The following EXT1 variants were observed in gnomAD, a reference collection of about 807,000 sequenced individuals.
EXT1 encodes the protein exostosin-1.
EXT1 carries 20 observed loss-of-function variants against 82.5 expected under a neutral mutation model. The observed-to-expected ratio is 0.24, with a 90% CI of 0.17 to 0.35. The LOEUF (loss-of-function observed/expected upper bound fraction) is 0.35, where lower values mean the gene tolerates loss of function less well. Among genes scored for constraint, EXT1 ranks in the 10% least tolerant of loss-of-function variants. The probability of loss-of-function intolerance (pLI) is 1.00; values close to 1 mark genes in which losing one functional copy is unlikely to be tolerated. For synonymous variants in EXT1, 348 were observed against 350.8 expected (o/e 0.99, Z 0.09); for missense variants, 757 against 936.5 (o/e 0.81, Z 2.50).
intron 1 of EXT1, among the ~76,000 whole-genome samples, chr8:118,018,216 T>C (rs1194809270): frequency 2.6e-5 from 4 of 152,116 alleles, no homozygotes; most frequent in Non-Finnish European, 5.9e-5. Context: ...GCAGATGTAA[T>C]TAGTTAAGTT....
rs886062634 is a variant in EXT1 at position 117,799,566 on chromosome 8, C to A, written c.*146G>T. 2.0e-5 allele frequency: 18 copies of A among 892,230 alleles called. No homozygotes were observed. The highest frequency in any genetic ancestry group is 2.7e-4 in the Middle Eastern group (1 of 3,724). 55.3% of individuals were successfully genotyped at this position (892,230 alleles called of 1,614,324 possible). ...GAGCCAGGAGTTGAGTTCTCATTGG[C>A]CTTTTTTTTTTTGTCATTCTGCTCA... On this transcript the variant is annotated 3_prime_UTR_variant, in exon 11 of 11. Coordinates refer to ENST00000378204, the MANE Select transcript of EXT1 (RefSeq NM_000127.3).
intron 1 of EXT1, among the ~76,000 whole-genome samples, chr8:117,865,989 T>G (rs1447778013): frequency 6.6e-6 from 1 of 151,992 alleles, no homozygotes; most frequent in Admixed American, 6.6e-5. Context: ...CTTTGGGAGG[T>G]CAAGGTGAGT....
At chr8:117,817,469 T>A (rs1214960121) in intron 7 of EXT1, among the ~76,000 whole-genome samples, 1 of 152,120 alleles carries the variant, frequency 6.6e-6, no homozygotes, top group East Asian at 1.9e-4. Context: ...CAATTTCATT[T>A]AGTAGTGACT....
intron 1 of EXT1, among the ~76,000 whole-genome samples, chr8:118,080,056 G>A (rs1817284650): frequency 6.6e-6 from 1 of 152,086 alleles, no homozygotes; most frequent in Admixed American, 6.5e-5. Flanking sequence ...AGGCAAAAGT[G>A]GTCTCTGTTC....
intron 1 of EXT1, among the ~76,000 whole-genome samples, chr8:117,909,520 T>C (rs527277129): frequency 6.6e-6 from 1 of 152,298 alleles, no homozygotes; most frequent in Admixed American, 6.5e-5. Context: ...ATATGTATTT[T>C]TTTGTTCCCA....
chr8:118,099,342 C>G (rs932179809), intron 1 of EXT1, among the ~76,000 whole-genome samples: 4 of 152,186 alleles, frequency 2.6e-5, no homozygotes, highest in Non-Finnish European at 5.9e-5. Context: ...TCCTTTCTTC[C>G]CAGTACTATC....
Position 117,794,567 on chromosome 8 carries a change from T to C in EXT1, c.*5145A>G, listed in dbSNP as rs1823065939. ...GGAAGGAAAAAGTCTTTGGTGACACTCTCTATAAAACAATCTATCTTGGAT... is the reference window on the plus strand; with the variant it reads ...GGAAGGAAAAAGTCTTTGGTGACACCCTCTATAAAACAATCTATCTTGGAT... On this transcript the variant is annotated 3_prime_UTR_variant, in exon 11 of 11. Transcript: ENST00000378204. The C allele has an allele frequency of 6.6e-6, 1 of 152,122 alleles. No individual in the cohort carries two copies. Among genetic ancestry groups the C allele is most frequent in the Admixed American group, 6.6e-5 (1 of 15,256 alleles). 9.4% of individuals were successfully genotyped at this position (152,122 alleles called of 1,614,324 possible). A position where few individuals can be genotyped will look rare whatever the true frequency, so the allele number is the denominator to read the frequency against.
At chr8:118,029,974 C>A (rs1816277759) in intron 1 of EXT1, among the ~76,000 whole-genome samples, 1 of 152,206 alleles carries the variant, frequency 6.6e-6, no homozygotes. Context: ...ATGCCCCATA[C>A]AATGTGGGTG....
intron 1 of EXT1, among the ~76,000 whole-genome samples, chr8:118,004,901 T>C (rs957746159): frequency 6.6e-6 from 1 of 152,202 alleles, no homozygotes; most frequent in Non-Finnish European, 1.5e-5. Context: ...TCATTCACAA[T>C]AATACTGAGA....
At chr8:117,879,029 C>T (rs1271399031) in intron 1 of EXT1, among the ~76,000 whole-genome samples, 1 of 152,198 alleles carries the variant, frequency 6.6e-6, no homozygotes, top group Non-Finnish European at 1.5e-5. Flanking sequence ...AAAGCTTTTC[C>T]TCCTAGGTGG....
intron 1 of EXT1, among the ~76,000 whole-genome samples, chr8:117,948,320 C>CAAA (rs34394392): frequency 0.01 from 530 of 51,702 alleles, 12 homozygotes; most frequent in Non-Finnish European, 0.016. Context: ...CTGCCCTTGC[C>CAAA]AAAAAAAAAA....
intron 1 of EXT1, among the ~76,000 whole-genome samples, chr8:117,880,866 C>T (rs892841664): frequency 1.6e-4 from 25 of 152,188 alleles, no homozygotes; most frequent in African/African-American, 5.5e-4. Context: ...GCTGGGATTA[C>T]AGGTGTGAGC....
chr8:118,032,012 A>G (rs1162557624), intron 1 of EXT1, among the ~76,000 whole-genome samples: 1 of 151,838 alleles, frequency 6.6e-6, no homozygotes, highest in African/African-American at 2.4e-5. Flanking sequence ...ATAATGTGCT[A>G]TCTGAAGTGC....
intron 1 of EXT1, among the ~76,000 whole-genome samples, chr8:117,966,942 T>C (rs1425208965): frequency 6.6e-6 from 1 of 152,210 alleles, no homozygotes; most frequent in Non-Finnish European, 1.5e-5. Flanking sequence ...TAACCTTCTA[T>C]TTCATGCATA....
At chr8:117,830,129 C>A in intron 4 of EXT1, 101 bp downstream of exon 4, 1 of 1,499,608 alleles carries the variant, frequency 6.7e-7, no homozygotes, top group South Asian at 1.1e-5. Flanking sequence ...CTGGTTTTGC[C>A]CCACTGGACC....
At chr8:118,012,960 C>T (rs972676585) in intron 1 of EXT1, among the ~76,000 whole-genome samples, 6 of 152,126 alleles carry the variant, frequency 3.9e-5, no homozygotes, top group South Asian at 4.1e-4. Flanking sequence ...CTCACTCCTT[C>T]GTCTCTAAAA....
At chr8:118,093,310 T>C (rs990094187) in intron 1 of EXT1, among the ~76,000 whole-genome samples, 1 of 147,346 alleles carries the variant, frequency 6.8e-6, no homozygotes, top group African/African-American at 2.5e-5. Flanking sequence ...TTTGAATACA[T>C]GTTCCACATA....
rs554876837 is a variant in EXT1 at position 117,917,751 on chromosome 8, C to A, written c.963-80550G>T. Among the ~76,000 whole-genome samples the A allele has an allele frequency of 2.0e-5, 3 of 152,272 alleles. No individual in the cohort carries two copies. In the South Asian group the frequency reaches 6.2e-4, roughly 32 times the overall value. ...GACAGAACAGCAGATGAAGGTGTGC[C>A]TGGACAAGCAACCACAGGTTCCATC... On this transcript the variant is annotated intron_variant, in intron 1 of 10. Coordinates refer to ENST00000378204, the MANE Select transcript of EXT1 (RefSeq NM_000127.3).
chr8:117,840,807 A>G (rs1353458056), intron 1 of EXT1, among the ~76,000 whole-genome samples: 4 of 152,196 alleles, frequency 2.6e-5, no homozygotes, highest in Admixed American at 6.5e-5. Context: ...AACACATGAA[A>G]ATATATTCAA....
Sources: gnomAD v4.1 joint callset for allele counts (sites outside exome capture counted in the v4.1 genomes callset) on GRCh38, gnomAD v4.1.1 for gene constraint, MANE v1.5 for transcripts, NCBI Gene and HGNC (gene_info 2026-07-23, HGNC 2026-07-21) for gene names.